CNTN3: variants seen among roughly 807,000 people sequenced by gnomAD.
The protein encoded by CNTN3 is contactin-3.
In CNTN3, 60 loss-of-function variants were observed where a neutral mutation model predicts 119.1. The ratio of observed to expected loss-of-function variants is 0.50; its 90% CI spans 0.41 to 0.62. The LOEUF (loss-of-function observed/expected upper bound fraction) is 0.62, where lower values mean the gene tolerates loss of function less well. CNTN3 is among the 20% of genes least tolerant of loss of function. The probability of loss-of-function intolerance (pLI) is 0.00; values close to 1 mark genes in which losing one functional copy is unlikely to be tolerated. For synonymous variants in CNTN3, 450 were observed against 438.7 expected (o/e 1.03, Z -0.32); for missense variants, 1,101 against 1,242.4 (o/e 0.89, Z 1.71).
intron 1 of CNTN3, among the ~76,000 whole-genome samples, chr3:74,604,524 G>T (rs1704961802): frequency 6.6e-6 from 1 of 152,030 alleles, no homozygotes; most frequent in Non-Finnish European, 1.5e-5. Context: ...TTTATCAAAA[G>T]AATACATAGA....
At chr3:74,285,845 A>T (rs2106783895) in intron 19 of CNTN3, among the ~76,000 whole-genome samples, 1 of 138,650 alleles carries the variant, frequency 7.2e-6, no homozygotes, top group Admixed American at 7.3e-5. Context: ...ATATAAAATT[A>T]AAAATAGGAA....
rs1365421706 is a variant in CNTN3 at position 74,391,750 on chromosome 3, G to C, written c.455-20351C>G. ...TTGGCTCACTATAACCTCCACCTCCGGGGCTCAAGCGATTCTCCTGCCTTA... is the reference window on the plus strand; with the variant it reads ...TTGGCTCACTATAACCTCCACCTCCCGGGCTCAAGCGATTCTCCTGCCTTA... On this transcript the variant is annotated intron_variant, in intron 5 of 22. Transcript: ENST00000263665. Among the ~76,000 whole-genome samples the C allele has an allele frequency of 2.0e-5, 3 of 151,862 alleles. No homozygotes were observed. In the East Asian group the frequency reaches 5.9e-4, roughly 30 times the overall value.
chr3:74,559,591 C>T (rs747249519), intron 1 of CNTN3, among the ~76,000 whole-genome samples: 1 of 128,878 alleles, frequency 7.8e-6, no homozygotes, highest in Non-Finnish European at 1.7e-5. Context: ...GAGACACACA[C>T]AACCAACTTG....
At chr3:74,499,552 T>C in intron 3 of CNTN3, 107 bp downstream of exon 3, 1 of 1,046,118 alleles carries the variant, frequency 9.6e-7, no homozygotes, top group East Asian at 2.5e-5. Context: ...CTTCACGTAT[T>C]TTTTTCTTAC....
chr3:74,540,862 A>G (rs1703833350), intron 1 of CNTN3, among the ~76,000 whole-genome samples: 1 of 152,210 alleles, frequency 6.6e-6, no homozygotes, highest in Admixed American at 6.5e-5. Flanking sequence ...ATATGTGCAT[A>G]TATACACAGG....
rs770428245 is a variant in CNTN3 at position 74,295,125 on chromosome 3, T to G, written c.2513A>C (p.Tyr838Ser). ...TTTAATCGGAAAAGAAATTACCTCA[T>G]AGCCCAGTAAATGTCCATTGCTCAA... ...WKLSNGHLLG[Y>S]EVRYWNGGGK... Residue 838 changes from tyrosine to serine, a missense_variant, in exon 19 of 23, where the codon TAT (tyrosine) becomes TCT (serine). Physicochemically the swap from Tyr to Ser is moderately radical, Grantham distance 144. Coordinates refer to ENST00000263665, the MANE Select transcript of CNTN3 (RefSeq NM_020872.3). 1.3e-6 allele frequency: 2 copies of G among 1,595,350 alleles called. No homozygotes were observed. The highest frequency in any genetic ancestry group is 2.2e-5 in the South Asian group (2 of 90,510).
In CNTN3 at chr3:74,527,310, G is replaced by A. The variant is rs1242102985; in HGVS notation, c.-80-6118C>T. On this transcript the variant is annotated intron_variant, in intron 1 of 22. Transcript: ENST00000263665. ...TTATATGGTGAGGTATGTCATCTCT[G>A]ACATTCTGTTAATTTTTGCTTCTGG... Among the ~76,000 whole-genome samples the A allele has an allele frequency of 2.0e-5, 3 of 152,028 alleles. No individual in the cohort carries two copies. The East Asian group carries it at 5.8e-4, about 30-fold the overall frequency.
chr3:74,606,399 T>A (rs1007599599), intron 1 of CNTN3, among the ~76,000 whole-genome samples: 3 of 151,888 alleles, frequency 2.0e-5, no homozygotes, highest in Admixed American at 6.6e-5. Flanking sequence ...CTATCCCCTA[T>A]CCTAATCTAT....
intron 20 of CNTN3, among the ~76,000 whole-genome samples, chr3:74,280,795 G>A (rs1701989612): frequency 6.6e-6 from 1 of 152,188 alleles, no homozygotes; most frequent in Admixed American, 6.5e-5. Flanking sequence ...AGGACACAAC[G>A]ATGTCCTGGG....
At chr3:74,486,786 A>C (rs13318730) in intron 3 of CNTN3, among the ~76,000 whole-genome samples, 155 bp from the exon 4 acceptor site, 1 of 152,198 alleles carries the variant, frequency 6.6e-6, no homozygotes, top group East Asian at 1.9e-4. Flanking sequence ...AATATGCCCA[A>C]GTATTTATCA....
At chr3:74,386,275 C>T (rs915888672) in intron 5 of CNTN3, among the ~76,000 whole-genome samples, 2 of 152,118 alleles carry the variant, frequency 1.3e-5, no homozygotes, top group African/African-American at 4.8e-5. Context: ...ATCTTAAATC[C>T]CCTCTACAGC....
At chr3:74,388,986 C>T (rs1437652531) in intron 5 of CNTN3, among the ~76,000 whole-genome samples, 10 of 152,110 alleles carry the variant, frequency 6.6e-5, no homozygotes, top group African/African-American at 1.9e-4. Context: ...TCGTCTTACA[C>T]GACTGATTAA....
chr3:74,365,259 A>T (rs1238752243), intron 9 of CNTN3, among the ~76,000 whole-genome samples: 3 of 152,092 alleles, frequency 2.0e-5, no homozygotes, highest in Non-Finnish European at 2.9e-5. Flanking sequence ...TTATATCCTA[A>T]ATTTGATTAA....
chr3:74,314,761 A>G (rs546817104), intron 13 of CNTN3, among the ~76,000 whole-genome samples: 5 of 152,354 alleles, frequency 3.3e-5, no homozygotes, highest in Middle Eastern at 6.8e-3. Flanking sequence ...AAACAAGTAA[A>G]GACTTAGTTG....
At chr3:74,420,512 A>T (rs1233083422) in intron 5 of CNTN3, among the ~76,000 whole-genome samples, 1 of 152,220 alleles carries the variant, frequency 6.6e-6, no homozygotes, top group Non-Finnish European at 1.5e-5. Context: ...CAATTTTACT[A>T]TGAGTCAAAA....
chr3:74,529,707 A>C (rs185352235), intron 1 of CNTN3, among the ~76,000 whole-genome samples: 2 of 152,154 alleles, frequency 1.3e-5, no homozygotes, highest in East Asian at 3.9e-4. Flanking sequence ...AAAATGATAA[A>C]ATGTGAAAAA....
At chr3:74,501,398 G>C (rs2107082184) in intron 2 of CNTN3, among the ~76,000 whole-genome samples, 1 of 152,102 alleles carries the variant, frequency 6.6e-6, no homozygotes. Context: ...ATCGATACCG[G>C]AAGGGTCAGA....
chr3:74,595,987 CAA>C (rs559938000), intron 1 of CNTN3, among the ~76,000 whole-genome samples: 1 of 152,056 alleles, frequency 6.6e-6, no homozygotes. Flanking sequence ...GCAACTTCAG[CAA>C]AGTCTCAGGA....
At chr3:74,296,207 A>C (rs939420059) in intron 18 of CNTN3, among the ~76,000 whole-genome samples, 7 of 152,122 alleles carry the variant, frequency 4.6e-5, no homozygotes, top group Admixed American at 3.9e-4. Context: ...TCATGTTTGA[A>C]CAGAAAGACT....
Sources: allele counts gnomAD v4.1 joint callset (sites outside exome capture counted in the v4.1 genomes callset), GRCh38; gene constraint gnomAD v4.1.1; transcripts MANE v1.5; gene names NCBI Gene and HGNC (gene_info 2026-07-23, HGNC 2026-07-21).